ALPL: variants seen among roughly 807,000 people sequenced by gnomAD.
ALPL encodes the protein alkaline phosphatase, biomineralization associated, also known as alkaline phosphatase, tissue-nonspecific isozyme.
In ALPL, 42 loss-of-function variants were observed where a neutral mutation model predicts 51.3. The ratio of observed to expected loss-of-function variants is 0.82; its 90% CI spans 0.64 to 1.06. ALPL has a LOEUF of 1.06. Among genes scored for constraint, ALPL ranks in the 50% least tolerant of loss-of-function variants. ALPL has a pLI of 0.00. For synonymous variants in ALPL, 279 were observed against 296.4 expected, an observed-to-expected ratio of 0.94 and a Z score of 0.60; for missense variants, 589 against 709.4, an observed-to-expected ratio of 0.83 and a Z score of 1.93.
At chr1:21,541,213 T>C (rs1405631111) in intron 1 of ALPL, among the ~76,000 whole-genome samples, 5 of 152,138 alleles carry the variant, frequency 3.3e-5, no homozygotes. Context: ...ATCCACCTCA[T>C]TTGCTCCCCC....
chr1:21,516,384 C>T (rs1780314), intron 1 of ALPL, among the ~76,000 whole-genome samples: 62,943 of 151,932 alleles, frequency 0.41, 13,573 homozygotes, highest in East Asian at 0.53. Context: ...TGCCTCATTC[C>T]GCTGGTCCCT....
chr1:21,573,542 C>T, intron 8 of ALPL, 123 bp from the exon 9 acceptor site: 1 of 1,251,500 alleles, frequency 8.0e-7, no homozygotes, highest in Non-Finnish European at 1.1e-6. Context: ...CTCCCAGCCA[C>T]CATACTCTAC....
rs139056852 is a variant in ALPL, at chr1:21,566,387, G to A, written c.649-1717G>A. 2.3e-3 allele frequency among the ~76,000 whole-genome samples: 357 copies of A among 152,182 alleles called. 4 individuals are homozygous for A. Among genetic ancestry groups the A allele is most frequent in the African/African-American group, 8.2e-3 (340 of 41,534 alleles). On this transcript the variant is annotated intron_variant, in intron 6 of 11. Transcript: ENST00000374840. ...CAGCCTTCACCTCCCGGGTTCAAGC[G>A]ATTGTCCTGCCTCAGCCTCCTGAGT...
chr1:21,568,877 C>T (rs561813503), intron 7 of ALPL, among the ~76,000 whole-genome samples: 2 of 152,266 alleles, frequency 1.3e-5, no homozygotes, highest in African/African-American at 4.8e-5. Flanking sequence ...TGGAAGGACC[C>T]CAAGCTCCAG....
rs184586988 is a variant in ALPL, at chr1:21,553,973, T to C, written c.-104-5T>C. The C allele has an allele frequency of 2.5e-4, 231 of 932,990 alleles. No individual in the cohort carries two copies. In the African/African-American group the frequency reaches 2.6e-3, roughly 11 times the overall value. 57.8% of individuals were successfully genotyped at this position (932,990 alleles called of 1,614,324 possible). On this transcript the variant is annotated splice_polypyrimidine_tract_variant and splice_region_variant and intron_variant, in intron 1 of 11. Coordinates refer to ENST00000374840, the MANE Select transcript of ALPL (RefSeq NM_000478.6). ...TGCCTCTTTTTCTCTTTTTTTAATT[T>C]CTAGGATTGGAACATCAGTTAACAT...
At chr1:21,543,470 C>G (rs981205208) in intron 1 of ALPL, among the ~76,000 whole-genome samples, 10 of 152,132 alleles carry the variant, frequency 6.6e-5, no homozygotes, top group Admixed American at 3.3e-4. Context: ...CACTGTAATC[C>G]CAGCTACTCG....
intron 1 of ALPL, among the ~76,000 whole-genome samples, chr1:21,534,981 G>A (rs1644078967): frequency 6.6e-6 from 1 of 152,108 alleles, no homozygotes; most frequent in South Asian, 2.1e-4. Context: ...GCCACCTGGC[G>A]TTCTATTGCT....
chr1:21,521,411 C>CT (rs1643882141), intron 1 of ALPL, among the ~76,000 whole-genome samples: 1 of 152,162 alleles, frequency 6.6e-6, no homozygotes, highest in South Asian at 2.1e-4. Flanking sequence ...TCTCAAACTC[C>CT]TGACCTCAGG....
At chr1:21,521,600 G>A (rs1643884244) in intron 1 of ALPL, among the ~76,000 whole-genome samples, 1 of 152,174 alleles carries the variant, frequency 6.6e-6, no homozygotes, top group African/African-American at 2.4e-5. Flanking sequence ...CACTCAATGC[G>A]AAGCCTGGCC....
intron 1 of ALPL, among the ~76,000 whole-genome samples, chr1:21,533,649 G>A (rs1411650114): frequency 6.6e-5 from 10 of 152,158 alleles, no homozygotes; most frequent in African/African-American, 1.9e-4. Flanking sequence ...GTCTGGGCAC[G>A]GTGGCTCACG....
chr1:21,568,011 AG>A, intron 6 of ALPL, 92 bp from the exon 7 acceptor site: 1 of 1,549,312 alleles, frequency 6.5e-7, no homozygotes, highest in East Asian at 2.2e-5. Flanking sequence ...CACCATCTCC[AG>A]GGACTCCAGG....
Position 21,573,650 on chromosome 1 carries a change from T to C in ALPL, c.863-15T>C, listed in dbSNP as rs373980626. 5.0e-6 allele frequency: 8 copies of C among 1,613,112 alleles called. No individual in the cohort carries two copies. In the African/African-American group the frequency reaches 6.7e-5, roughly 13 times the overall value. ...CAGCCTCTCAGCATCCACATCCTCC[T>C]GGCGTCCTCCTCAGGTCTCTTCGAG... On this transcript the variant is annotated splice_polypyrimidine_tract_variant and intron_variant, in intron 8 of 11. Transcript: ENST00000374840.
rs527657489 is a variant in ALPL at position 21,577,510 on chromosome 1, C to T, written c.1437C>T (p.Tyr479=). ...TGCACGGCGTCCACGAGCAGAACTA[C>T]GTCCCCCACGTGATGGCGTATGCAG... The part of the protein sequence containing the change: ...HLLHGVHEQN[Y]VPHVMAYAAC... The change falls in exon 12 of 12, where the codon TAC becomes TAT. Residue 479 remains tyrosine (Y), a synonymous_variant. Coordinates refer to ENST00000374840, the MANE Select transcript of ALPL (RefSeq NM_000478.6). 35 of 1,608,326 alleles carry T rather than the reference C, an allele frequency of 2.2e-5. No individual in the cohort carries two copies. The highest frequency in any genetic ancestry group is 4.4e-5 in the South Asian group (4 of 91,090).
chr1:21,569,217 T>G (rs568117241), intron 7 of ALPL, among the ~76,000 whole-genome samples: 3 of 152,216 alleles, frequency 2.0e-5, no homozygotes, highest in Admixed American at 6.5e-5. Context: ...CCCTCCAAGC[T>G]CAAGCCAGAG....
intron 2 of ALPL, among the ~76,000 whole-genome samples, chr1:21,559,508 C>T (rs571583056): frequency 6.6e-6 from 1 of 152,234 alleles, no homozygotes; most frequent in East Asian, 1.9e-4. Flanking sequence ...GTACTTGGAG[C>T]AGCTGGGGGT....
chr1:21,539,847 A>G (rs1644158682), intron 1 of ALPL, among the ~76,000 whole-genome samples: 1 of 152,028 alleles, frequency 6.6e-6, no homozygotes, highest in Non-Finnish European at 1.5e-5. Context: ...TAGTAGAGAC[A>G]GGGTTTCACC....
chr1:21,554,412 CAT>C (rs1055675710), intron 2 of ALPL, among the ~76,000 whole-genome samples: 1 of 146,538 alleles, frequency 6.8e-6, no homozygotes, highest in Non-Finnish European at 1.5e-5. Flanking sequence ...ATATTTTCCA[CAT>C]ATATATTTTT....
intron 1 of ALPL, among the ~76,000 whole-genome samples, chr1:21,532,470 C>G (rs1306311464): frequency 6.6e-6 from 1 of 152,088 alleles, no homozygotes; most frequent in Non-Finnish European, 1.5e-5. Context: ...GGATTACAGG[C>G]GTGAGCTACT....
At chr1:21,558,932 G>A (rs1460569666) in intron 2 of ALPL, among the ~76,000 whole-genome samples, 2 of 152,210 alleles carry the variant, frequency 1.3e-5, no homozygotes, top group African/African-American at 4.8e-5. Context: ...ATTTCCTAAT[G>A]TGGAGGAGAC....
Sources: gnomAD v4.1 joint callset for allele counts (sites outside exome capture counted in the v4.1 genomes callset) on GRCh38, gnomAD v4.1.1 for gene constraint, MANE v1.5 for transcripts, NCBI Gene and HGNC (gene_info 2026-07-23, HGNC 2026-07-21) for gene names.